The following HOXC4 variants were observed in gnomAD, a reference collection of about 807,000 sequenced individuals.
HOXC4 encodes homeobox C4, also known as homeobox protein Hox-C4.
In HOXC4, 15 loss-of-function variants were observed where a neutral mutation model predicts 25.5. The observed-to-expected ratio is 0.59, with a 90% confidence interval of 0.39 to 0.91. The LOEUF is 0.91. Ranked by LOEUF, HOXC4 falls within the 40% of genes least tolerant of loss-of-function variation. The probability of loss-of-function intolerance (pLI) is 0.00; values close to 1 mark genes in which losing one functional copy is unlikely to be tolerated. For synonymous variants in HOXC4, 165 were observed against 148.0 expected (o/e 1.11, Z -0.83); for missense variants, 342 against 352.4 (o/e 0.97, Z 0.24).
At chr12:54,019,190 C>G (rs996260059) in intron 1 of HOXC4, among the ~76,000 whole-genome samples, 8 of 143,374 alleles carry the variant, frequency 5.6e-5, no homozygotes, top group African/African-American at 1.8e-4. Flanking sequence ...CCCCCACCCC[C>G]AGTAGGACTT....
At chr12:54,024,172 C>T (rs999736775) in intron 1 of HOXC4, among the ~76,000 whole-genome samples, 3 of 152,178 alleles carry the variant, frequency 2.0e-5, no homozygotes, top group South Asian at 4.1e-4. Context: ...TTTTAGCCCT[C>T]GCCCAGTGGC....
rs770967433 is a variant in HOXC4 at position 54,054,182 on chromosome 12, G to A, written c.260G>A (p.Gly87Asp). The change falls in exon 1 of 2, where the codon GGC (glycine) becomes GAC (aspartate). Residue 87 changes from glycine to aspartate, a missense_variant. Coordinates refer to ENST00000430889, the MANE Select transcript of HOXC4 (RefSeq NM_153633.3). ...NSRGHGPAQA[G>D]HHHPEKSQSL... ...CGAGGCCACGGGCCGGCCCAGGCGG[G>A]CCACCACCACCCCGAGAAATCACAG... 6.2e-7 allele frequency: 1 copy of A among 1,613,418 alleles called. No individual in the cohort carries two copies. The highest frequency in any genetic ancestry group is 1.1e-5 in the South Asian group (1 of 91,038).
Position 54,048,077 on chromosome 12 carries a change from C to T in HOXC4, c.-123-5083C>T, listed in dbSNP as rs74849830. ...CCCGGAAAGACTCTGATCTATGGGC[C>T]GAGGCTTGGAAGGGGTGTGCGAGGC... On this transcript the variant is annotated intron_variant, in intron 1 of 3. Transcript: ENST00000303406. 6.9e-3 allele frequency among the ~76,000 whole-genome samples: 1,047 copies of T among 152,010 alleles called. 4 individuals are homozygous for T. The highest frequency in any genetic ancestry group is 0.011 in the Non-Finnish European group (743 of 67,976).
At chr12:54,021,984 T>C (rs1940469595) in intron 1 of HOXC4, 1 of 152,232 alleles carries the variant, frequency 6.6e-6, no homozygotes, top group Non-Finnish European at 1.5e-5. Flanking sequence ...GAAATAGTCT[T>C]AAAACAGGGC....
At chr12:54,030,178 CTTGCTAGCTCG>C (rs1940929351) in intron 1 of HOXC4, 1 of 500,312 alleles carries the variant, frequency 2.0e-6, no homozygotes, top group Non-Finnish European at 3.5e-6. Flanking sequence ...TCCTCGCTCC[CTTGCTAGCTCG>C]TTCTCGGCTT....
upstream of HOXC4, among the ~76,000 whole-genome samples, chr12:54,050,949 G>A (rs115092960): frequency 0.012 from 1,819 of 152,224 alleles, 33 homozygotes; most frequent in African/African-American, 0.041. Context: ...TCAGTTGGGG[G>A]CATCTGAACC....
intron 1 of HOXC4, chr12:54,028,499 A>G (rs1940832225): frequency 6.2e-7 from 1 of 1,607,846 alleles, no homozygotes; most frequent in African/African-American, 1.3e-5. Flanking sequence ...GAAATCATAG[A>G]CCGACCAGGT....
chr12:54,040,771 G>A (rs1270427164), intron 1 of HOXC4, among the ~76,000 whole-genome samples: 8 of 152,168 alleles, frequency 5.3e-5, no homozygotes, highest in Admixed American at 5.2e-4. Context: ...TTTCATGAGG[G>A]CAGGTGGGGT....
chr12:54,030,641 C>CA (rs1940950539), intron 1 of HOXC4: 1 of 150,734 alleles, frequency 6.6e-6, no homozygotes, highest in African/African-American at 2.5e-5. Context: ...TATCCAATTT[C>CA]AAAAAAGGAA....
At chr12:54,033,399 C>T (rs755599934) in intron 1 of HOXC4, 4 of 1,611,754 alleles carry the variant, frequency 2.5e-6, no homozygotes, top group Non-Finnish European at 3.4e-6. Flanking sequence ...CGAAGCGGCT[C>T]CTCTGAACCC....
intron 1 of HOXC4, chr12:54,033,609 G>C (rs757766377): frequency 6.7e-7 from 1 of 1,490,340 alleles, no homozygotes; most frequent in Non-Finnish European, 8.9e-7. Context: ...GCGCTCTCGG[G>C]TCCGCCTGGG....
At chr12:54,054,718 C>G (rs749330617) in intron 1 of HOXC4, 132 bp from the exon 2 acceptor site, 1 of 641,522 alleles carries the variant, frequency 1.6e-6, no homozygotes, top group Non-Finnish European at 2.8e-6. Context: ...TTCTTTATAA[C>G]CCATTTAAGC....
intron 1 of HOXC4, among the ~76,000 whole-genome samples, chr12:54,031,046 C>T (rs923702887): frequency 1.0e-4 from 16 of 152,382 alleles, no homozygotes; most frequent in African/African-American, 3.6e-4. Flanking sequence ...ACACACACAC[C>T]CTGCGGGAAA....
At chr12:54,041,146 G>GT (rs1160167703) in intron 1 of HOXC4, among the ~76,000 whole-genome samples, 1 of 152,264 alleles carries the variant, frequency 6.6e-6, no homozygotes, top group Non-Finnish European at 1.5e-5. Context: ...GGATTTCAGT[G>GT]TTTGAGTTTA....
At chr12:54,052,329 G>A (rs1937864910), upstream of HOXC4, among the ~76,000 whole-genome samples, 1 of 152,184 alleles carries the variant, frequency 6.6e-6, no homozygotes, top group Non-Finnish European at 1.5e-5. Context: ...TCCTACCACC[G>A]CTGGCAGATT....
chr12:54,055,001 G>C lies in HOXC4; in HGVS notation c.591G>C (p.Glu197Asp), dbSNP rs1363066056. Residue 197 changes from glutamate (E) to aspartate (D), a missense_variant, in exon 2 of 2, where the codon GAG becomes GAC. Glu to Asp is a conservative substitution (Grantham distance 45). Transcript: ENST00000430889. Reference protein sequence around the residue: ...IEIAHSLCLSERQIKIWFQNR... With the variant: ...IEIAHSLCLSDRQIKIWFQNR... ...TCGCCCACTCGCTGTGCCTCTCTGA[G>C]AGGCAGATCAAAATCTGGTTCCAAA... 3.7e-6 allele frequency: 6 copies of C among 1,614,080 alleles called. No individual in the cohort carries two copies. The highest frequency in any genetic ancestry group is 5.1e-6 in the Non-Finnish European group (6 of 1,180,030).
intron 1 of HOXC4, chr12:54,029,947 G>A (rs1291065099): frequency 1.3e-6 from 2 of 1,580,628 alleles, no homozygotes; most frequent in Non-Finnish European, 1.7e-6. Context: ...CAGAAGAGGA[G>A]AAGCAGAAAG....
intron 1 of HOXC4, among the ~76,000 whole-genome samples, chr12:54,048,197 G>A: frequency 6.6e-6 from 1 of 152,068 alleles, no homozygotes; most frequent in Non-Finnish European, 1.5e-5. Context: ...AGAAAAAAAG[G>A]CACACCGGGA....
chr12:54,049,458 A>G (rs1184641087), upstream of HOXC4, among the ~76,000 whole-genome samples: 1 of 152,168 alleles, frequency 6.6e-6, no homozygotes, highest in Admixed American at 6.5e-5. Context: ...GAAATCCATG[A>G]GAGGACCTTG....
Sources: allele counts gnomAD v4.1 joint callset (sites outside exome capture counted in the v4.1 genomes callset), GRCh38; gene constraint gnomAD v4.1.1; transcripts MANE v1.5; gene names NCBI Gene and HGNC (gene_info 2026-07-23, HGNC 2026-07-21).